The following UVRAG variants were observed in gnomAD, a reference collection of about 807,000 sequenced individuals.
UVRAG encodes the protein UV radiation resistance-associated gene protein.
A neutral mutation model predicts 78.0 loss-of-function variants in UVRAG; 19 were observed. That is an observed-to-expected ratio of 0.24 (90% CI 0.17 to 0.36). The LOEUF is 0.36. Among genes scored for constraint, UVRAG ranks in the 10% least tolerant of loss-of-function variants. UVRAG has a pLI of 1.00. For synonymous variants in UVRAG, 323 were observed against 324.6 expected (o/e 1.00, Z 0.05); for missense variants, 740 against 853.8 (o/e 0.87, Z 1.66).
intron 7 of UVRAG, among the ~76,000 whole-genome samples, chr11:75,980,317 G>A (rs774446056): frequency 1.8e-4 from 28 of 151,980 alleles, no homozygotes; most frequent in Non-Finnish European, 3.5e-4. Flanking sequence ...GCATGCCACC[G>A]CATCCAGCCA....
In UVRAG at chr11:75,868,977, C is replaced by T. The variant is rs553753814; in HGVS notation, c.270+7197C>T. 3.1e-4 allele frequency among the ~76,000 whole-genome samples: 47 copies of T among 152,296 alleles called. 1 individual carries two copies. The South Asian group carries it at 9.8e-3, about 32-fold the overall frequency. Reference sequence around the variant, plus strand: ...AAGAGGTATCAATTATAAGTACCCACCTATGATTGAAGTAGCATGTTGGAC... The same window carrying T: ...AAGAGGTATCAATTATAAGTACCCATCTATGATTGAAGTAGCATGTTGGAC... On this transcript the variant is annotated intron_variant, in intron 3 of 14. Coordinates refer to ENST00000356136, the MANE Select transcript of UVRAG (RefSeq NM_003369.4).
At chr11:76,093,417 G>A (rs1360978690) in intron 13 of UVRAG, among the ~76,000 whole-genome samples, 1 of 152,116 alleles carries the variant, frequency 6.6e-6, no homozygotes, top group Non-Finnish European at 1.5e-5. Flanking sequence ...AGCTTGATGG[G>A]GATGGCATTG....
intron 6 of UVRAG, chr11:75,915,044 G>C (rs945377411): frequency 8.5e-5 from 13 of 152,058 alleles, no homozygotes; most frequent in African/African-American, 2.9e-4. Context: ...AGGAGTTTGA[G>C]ACCAGCCTGG....
intron 13 of UVRAG, among the ~76,000 whole-genome samples, chr11:76,074,789 T>C (rs1425104215): frequency 6.6e-6 from 1 of 152,232 alleles, no homozygotes; most frequent in African/African-American, 2.4e-5. Flanking sequence ...TAGACAATTA[T>C]CTGCATTTTA....
chr11:75,925,873 T>A (rs570461124), intron 6 of UVRAG, among the ~76,000 whole-genome samples: 3 of 152,304 alleles, frequency 2.0e-5, no homozygotes, highest in South Asian at 4.1e-4. Flanking sequence ...TTGCAAAAGT[T>A]GAGTAGTGTG....
intron 12 of UVRAG, among the ~76,000 whole-genome samples, chr11:76,026,737 T>C (rs1039919256): frequency 2.0e-5 from 3 of 152,164 alleles, no homozygotes; most frequent in African/African-American, 7.2e-5. Context: ...CCAAATGCTT[T>C]GGTTCTCTAT....
At chr11:76,004,807 T>C (rs1204778732) in intron 9 of UVRAG, among the ~76,000 whole-genome samples, 1 of 152,132 alleles carries the variant, frequency 6.6e-6, no homozygotes, top group Non-Finnish European at 1.5e-5. Context: ...CTTCTTAATA[T>C]GGTGATTCTT....
chr11:75,993,551 GT>G (rs1949652118), intron 8 of UVRAG, among the ~76,000 whole-genome samples: 1 of 152,074 alleles, frequency 6.6e-6, no homozygotes, highest in African/African-American at 2.4e-5. Context: ...TGAATTCTGT[GT>G]TGCTTTACCG....
At chr11:76,100,968 CATGGTGTATATGT>C (rs1280971232) in intron 13 of UVRAG, among the ~76,000 whole-genome samples, 1 of 152,152 alleles carries the variant, frequency 6.6e-6, no homozygotes, top group Non-Finnish European at 1.5e-5. Context: ...CATAATATTC[CATGGTGTATATGT>C]ACCACATTTT....
chr11:75,991,237 C>T (rs1188358230), intron 8 of UVRAG, among the ~76,000 whole-genome samples: 1 of 152,212 alleles, frequency 6.6e-6, no homozygotes, highest in African/African-American at 2.4e-5. Context: ...AAGATTTCAT[C>T]TTCTGTGAAA....
At chr11:75,899,092 T>C (rs1418968978) in intron 5 of UVRAG, among the ~76,000 whole-genome samples, 2 of 152,132 alleles carry the variant, frequency 1.3e-5, no homozygotes, top group Admixed American at 1.3e-4. Flanking sequence ...CTATGCATAT[T>C]CTGTTTGGTT....
At chr11:75,914,310 T>C (rs1947804063) in intron 6 of UVRAG, 1 of 152,262 alleles carries the variant, frequency 6.6e-6, no homozygotes, top group African/African-American at 2.4e-5. Context: ...CTCTCTAACA[T>C]TGTCCTTGGC....
chr11:76,120,957 GGTT>G (rs1246558782), intron 14 of UVRAG, among the ~76,000 whole-genome samples: 1 of 152,164 alleles, frequency 6.6e-6, no homozygotes, highest in East Asian at 1.9e-4. Context: ...TTTTCTGTGT[GGTT>G]GTTACCATTC....
intron 3 of UVRAG, among the ~76,000 whole-genome samples, 164 bp from the exon 4 acceptor site, chr11:75,879,715 C>A (rs185272367): frequency 1.5e-3 from 230 of 152,274 alleles, no homozygotes; most frequent in Admixed American, 4.0e-3. Context: ...ACCATTATCA[C>A]CCCTTTTGTG....
intron 13 of UVRAG, among the ~76,000 whole-genome samples, chr11:76,103,351 C>A (rs1272334477): frequency 1.3e-5 from 2 of 152,156 alleles, no homozygotes; most frequent in Non-Finnish European, 2.9e-5. Flanking sequence ...GAGGAGGTAA[C>A]CTCCTTCAGG....
At chr11:75,849,804 G>C (rs1946115902) in intron 1 of UVRAG, among the ~76,000 whole-genome samples, 1 of 152,228 alleles carries the variant, frequency 6.6e-6, no homozygotes, top group Non-Finnish European at 1.5e-5. Flanking sequence ...CTGGTAGCGG[G>C]TCTTGACTGA....
At chr11:75,977,044 G>T (rs1239830870) in intron 7 of UVRAG, among the ~76,000 whole-genome samples, 1 of 152,138 alleles carries the variant, frequency 6.6e-6, no homozygotes, top group African/African-American at 2.4e-5. Context: ...CTTTAAATGT[G>T]TCCCAGAGAT....
chr11:75,967,599 G>T (rs1291700158), intron 7 of UVRAG, among the ~76,000 whole-genome samples: 1 of 152,088 alleles, frequency 6.6e-6, no homozygotes, highest in Non-Finnish European at 1.5e-5. Flanking sequence ...AGACCTCTTT[G>T]TACCCTTAAA....
intron 6 of UVRAG, among the ~76,000 whole-genome samples, chr11:75,959,378 A>T (rs985899395): frequency 2.6e-5 from 4 of 152,224 alleles, no homozygotes; most frequent in African/African-American, 7.2e-5. Context: ...CTTCTCCATT[A>T]GCACTTCCTG....
Sources: gnomAD v4.1 joint callset for allele counts (sites outside exome capture counted in the v4.1 genomes callset) on GRCh38, gnomAD v4.1.1 for gene constraint, MANE v1.5 for transcripts, NCBI Gene and HGNC (gene_info 2026-07-23, HGNC 2026-07-21) for gene names.